The following NRL variants were observed in gnomAD, a reference collection of about 807,000 sequenced individuals.
NRL encodes neural retina-specific leucine zipper protein.
In NRL, 16 loss-of-function variants were observed where a neutral mutation model predicts 12.5. That is an observed-to-expected ratio of 1.28 (90% CI 0.87 to 1.95). NRL has a LOEUF of 1.95. Ranked by LOEUF, NRL falls within the 30% of genes most tolerant of loss-of-function variation. The pLI, the probability that NRL is intolerant of heterozygous loss-of-function variation, is 0.00. For synonymous variants in NRL, 142 were observed against 150.9 expected (o/e 0.94, Z 0.43); for missense variants, 314 against 325.8 (o/e 0.96, Z 0.28).
intron 1 of NRL, chr14:24,104,160 C>T (rs2037285494): frequency 3.4e-6 from 2 of 584,050 alleles, no homozygotes; most frequent in Non-Finnish European, 6.1e-6. Context: ...TCCCACCTAT[C>T]TTCACAGGCT....
In NRL at chr14:24,094,259, C is replaced by T. The variant is rs913673337; in HGVS notation, c.-27-11384G>A. Reference sequence around the variant, plus strand: ...AGCTAGTGCCAGCCCTACCAGGTTCCGCCCCCGCGCCTGCCCCCCTCCTTT... The same window carrying T: ...AGCTAGTGCCAGCCCTACCAGGTTCTGCCCCCGCGCCTGCCCCCCTCCTTT... On this transcript the variant is annotated intron_variant, in intron 1 of 2. Coordinates refer to ENST00000561028, the MANE Select transcript of NRL (RefSeq NM_001354768.3). This position sits in a 1 kb window ranked among gnomAD's most constrained non-coding sequence, Gnocchi z 4.1. The T allele has an allele frequency of 2.4e-5, 18 of 745,672 alleles. No homozygotes were observed. The highest frequency in any genetic ancestry group is 1.1e-4 in the Admixed American group (4 of 37,532). The allele number at this position is 745,672 out of a possible 1,614,324, so 46.2% of individuals were successfully genotyped here. A position where few individuals can be genotyped will look rare whatever the true frequency, so the allele number is the denominator to read the frequency against.
chr14:24,103,164 AC>A lies in NRL; in HGVS notation c.-28+11557del. On this transcript the variant is annotated intron_variant, in intron 1 of 2. Coordinates refer to ENST00000561028, the MANE Select transcript of NRL (RefSeq NM_001354768.3). ...CTCTGTTCATTGGTGATCTAGGGGT[AC>A]CCCTGGTATACGAGGCCTTCAACTG... is the stretch of plus-strand genomic sequence containing the variant. 2 of 1,612,694 alleles carry A rather than the reference AC, an allele frequency of 1.2e-6. No individual in the cohort carries two copies. The highest frequency in any genetic ancestry group is 2.2e-5 in the South Asian group (2 of 91,026).
In NRL at chr14:24,082,759, GC is replaced by G. The variant is rs1341731541; in HGVS notation, c.89del (p.Gly30AlafsTer61). The G allele has an allele frequency of 1.2e-6, 2 of 1,614,070 alleles. No homozygotes were observed. The highest frequency in any genetic ancestry group is 1.7e-6 in the Non-Finnish European group (2 of 1,180,038). On this transcript the variant is annotated frameshift_variant, in exon 2 of 3. Coordinates refer to ENST00000561028, the MANE Select transcript of NRL (RefSeq NM_001354768.3). LOFTEE classifies it high-confidence loss of function. ...GTGAGGCTGTAGGGGGGCCAGGTCGGCCCTCAGAGGGTTCCCGCTTTACCTC... is the reference window on the plus strand; with the variant it reads ...GTGAGGCTGTAGGGGGGCCAGGTCGGCCTCAGAGGGTTCCCGCTTTACCTC... Reference protein sequence around the residue: ...KFEVKREPSEGRPGPPTASLG... With the variant: ...KFEVKREPSEXRPGPPTASLG...
At chr14:24,109,641 T>A (rs907299303) in intron 1 of NRL, among the ~76,000 whole-genome samples, 1 of 147,312 alleles carries the variant, frequency 6.8e-6, no homozygotes, top group Non-Finnish European at 1.5e-5. Context: ...GAGCTTGCAG[T>A]GAGCCGAGAT....
At chr14:24,090,269 G>T (rs112722597) in intron 1 of NRL, among the ~76,000 whole-genome samples, 1 of 12,028 alleles carries the variant, frequency 8.3e-5, no homozygotes, top group Non-Finnish European at 6.5e-4. Flanking sequence ...TTTACTCGGG[G>T]GGGGGGGGGG....
chr14:24,092,081 T>C (rs1453752916), intron 1 of NRL, among the ~76,000 whole-genome samples: 10 of 152,230 alleles, frequency 6.6e-5, no homozygotes, highest in Non-Finnish European at 1.3e-4. Context: ...AGAATGAGAT[T>C]ATGCATGCAG....
At chr14:24,091,300 G>A (rs906504854) in intron 1 of NRL, among the ~76,000 whole-genome samples, 3 of 152,136 alleles carry the variant, frequency 2.0e-5, no homozygotes, top group South Asian at 4.1e-4. Context: ...ACCGGCGTGC[G>A]CCACCACACC....
In NRL at chr14:24,094,951, A is replaced by G. The variant is rs1308692113; in HGVS notation, c.-27-12076T>C. ...ACTGGAAGGACTGGAACCTGGCGGG[A>G]AGTCCAGAGCAGCCCGAGGGACCTG... On this transcript the variant is annotated intron_variant, in intron 1 of 2. Coordinates refer to ENST00000561028, the MANE Select transcript of NRL (RefSeq NM_001354768.3). This position sits in a 1 kb window ranked among gnomAD's most constrained non-coding sequence, Gnocchi z 4.1. 1.0e-6 allele frequency: 1 copy of G among 971,324 alleles called. No homozygotes were observed. The highest frequency in any genetic ancestry group is 2.5e-5 in the Admixed American group (1 of 39,986). 60.2% of individuals were successfully genotyped at this position (971,324 alleles called of 1,614,324 possible). A position where few individuals can be genotyped will look rare whatever the true frequency, so the allele number is the denominator to read the frequency against.
At chr14:24,100,521 T>C (rs1230204029) in intron 1 of NRL, 1 of 919,878 alleles carries the variant, frequency 1.1e-6, no homozygotes, top group Non-Finnish European at 1.5e-6. Flanking sequence ...ATAAAAAGGG[T>C]TTATCACACT....
intron 1 of NRL, chr14:24,084,600 C>T: frequency 1.0e-6 from 1 of 985,492 alleles, no homozygotes; most frequent in Non-Finnish European, 1.2e-6. Context: ...CTCCATGGAG[C>T]AGGGCCTGGT....
At chr14:24,090,019 C>A (rs1427924581) in intron 1 of NRL, among the ~76,000 whole-genome samples, 1 of 151,944 alleles carries the variant, frequency 6.6e-6, no homozygotes, top group Non-Finnish European at 1.5e-5. Flanking sequence ...TGGGAGGTCA[C>A]ATTAAGGGTT....
chr14:24,105,450 A>C (rs2037322588), intron 1 of NRL, among the ~76,000 whole-genome samples: 1 of 152,264 alleles, frequency 6.6e-6, no homozygotes, highest in Non-Finnish European at 1.5e-5. Context: ...CATACCTAAC[A>C]ACCCTTTGGG....
At chr14:24,082,420 C>T (rs1191247072) in intron 2 of NRL, 48 bp downstream of exon 2, 2 of 1,610,386 alleles carry the variant, frequency 1.2e-6, no homozygotes, top group South Asian at 1.1e-5. Context: ...TTGGGCAGTC[C>T]TCCTTCCTTG....
At position 24,094,099 on chromosome 14, in the gene NRL, G is replaced by A. The variant is rs2036733617; in HGVS notation, c.-27-11224C>T. ...GGGCGGGGCCTCGAAGTCGGGGGCC[G>A]AAGAGTGGACCCAGTCCTCCAATGG... On this transcript the variant is annotated intron_variant, in intron 1 of 2. Transcript: ENST00000561028. The surrounding 1 kb of genome is among the most constrained non-coding windows in gnomAD (Gnocchi z 4.1). 3.7e-6 allele frequency: 2 copies of A among 534,310 alleles called. No homozygotes were observed. Among genetic ancestry groups the A allele is most frequent in the Non-Finnish European group, 3.3e-6 (1 of 305,166 alleles). 33.1% of individuals were successfully genotyped at this position (534,310 alleles called of 1,614,324 possible). A position where few individuals can be genotyped will look rare whatever the true frequency, so the allele number is the denominator to read the frequency against.
At chr14:24,093,039 T>C (rs2036684450) in intron 1 of NRL, 3 of 152,278 alleles carry the variant, frequency 2.0e-5, no homozygotes, top group Admixed American at 1.3e-4. Flanking sequence ...TGCCCATCCT[T>C]GAACATCCTT....
intron 1 of NRL, among the ~76,000 whole-genome samples, chr14:24,090,473 CA>C (rs1030482305): frequency 5.9e-5 from 9 of 152,192 alleles, no homozygotes; most frequent in African/African-American, 2.2e-4. Context: ...ATACTGCCCC[CA>C]GGAAGCGGGC....
chr14:24,103,149 T>G, intron 1 of NRL: 2 of 1,606,552 alleles, frequency 1.2e-6, no homozygotes, highest in Non-Finnish European at 1.7e-6. Context: ...CTCTGTTCAT[T>G]GGTGATCTAG....
At chr14:24,101,164 C>A (rs191218669) in intron 1 of NRL, among the ~76,000 whole-genome samples, 3 of 152,312 alleles carry the variant, frequency 2.0e-5, no homozygotes, top group Admixed American at 2.0e-4. Context: ...AAGAAACTTT[C>A]ATCTTTCCCC....
chr14:24,101,661 A>G (rs1012752470), intron 1 of NRL, among the ~76,000 whole-genome samples: 3 of 152,230 alleles, frequency 2.0e-5, no homozygotes, highest in Non-Finnish European at 2.9e-5. Context: ...AGTGACTCAC[A>G]TCTGTAATCC....
Sources: allele counts gnomAD v4.1 joint callset (sites outside exome capture counted in the v4.1 genomes callset), GRCh38; gene constraint gnomAD v4.1.1; non-coding constraint Gnocchi (gnomAD v3.1); transcripts MANE v1.5; gene names NCBI Gene and HGNC (gene_info 2026-07-23, HGNC 2026-07-21).